HEMK2: variants seen among roughly 807,000 people sequenced by gnomAD.
HEMK2 encodes the protein HemK methyltransferase 2, ETF1 glutamine and histone H4 lysine.
chr21:28,868,914 T>C, the HEMK2 span, among the ~76,000 whole-genome samples: 1 of 152,206 alleles, frequency 6.6e-6, no homozygotes, highest in African/African-American at 2.4e-5. Flanking sequence ...ATTTTCTTGG[T>C]AAATAATATC....
the HEMK2 span, chr21:28,879,772 A>G: frequency 1.1e-6 from 1 of 883,158 alleles, no homozygotes; most frequent in Non-Finnish European, 1.7e-6. Context: ...GTAGTCTGTG[A>G]TAGCAGCAGC....
the HEMK2 span, among the ~76,000 whole-genome samples, chr21:28,632,837 T>C: frequency 1.3e-5 from 2 of 152,194 alleles, no homozygotes; most frequent in Admixed American, 6.5e-5. Flanking sequence ...AATGCCTCCC[T>C]GATGAATCAC....
the HEMK2 span, among the ~76,000 whole-genome samples, chr21:28,825,598 C>T: frequency 1.4e-4 from 21 of 152,174 alleles, no homozygotes; most frequent in African/African-American, 4.8e-4. Context: ...AGAAGTATGA[C>T]CAAGATCTTT....
the HEMK2 span, among the ~76,000 whole-genome samples, chr21:28,686,611 G>T: frequency 0.56 from 84,629 of 152,092 alleles, 26,222 homozygotes; most frequent in East Asian, 0.84. Context: ...CTATTCATTA[G>T]CAAGAAAGCA....
the HEMK2 span, among the ~76,000 whole-genome samples, chr21:28,605,530 T>C: frequency 6.6e-6 from 1 of 152,216 alleles, no homozygotes; most frequent in African/African-American, 2.4e-5. Flanking sequence ...TTTTTTTAAC[T>C]AAGTCAGTTT....
the HEMK2 span, among the ~76,000 whole-genome samples, chr21:28,642,624 T>C: frequency 1.3e-5 from 2 of 152,134 alleles, no homozygotes; most frequent in African/African-American, 4.8e-5. Context: ...ATGAACTGTT[T>C]GAAAGGTGAT....
At chr21:28,733,976 T>G in the HEMK2 span, among the ~76,000 whole-genome samples, 3 of 152,256 alleles carry the variant, frequency 2.0e-5, no homozygotes, top group African/African-American at 7.2e-5. Context: ...ATTTTTTGGT[T>G]CATTTAGGGA....
At chr21:28,764,717 A>G in the HEMK2 span, among the ~76,000 whole-genome samples, 21 of 152,250 alleles carry the variant, frequency 1.4e-4, no homozygotes, top group African/African-American at 5.1e-4. Flanking sequence ...TTAAGGCTGC[A>G]GCTGTCAGGA....
the HEMK2 span, among the ~76,000 whole-genome samples, chr21:28,811,249 G>GGAAA: frequency 5.2e-3 from 693 of 133,004 alleles, 6 homozygotes; most frequent in African/African-American, 0.015. Context: ...CAGAGAAAGA[G>GGAAA]GAAAGAAAGA....
the HEMK2 span, among the ~76,000 whole-genome samples, chr21:28,839,501 C>G: frequency 6.6e-6 from 1 of 152,120 alleles, no homozygotes; most frequent in Admixed American, 6.5e-5. Context: ...GCTCCTAGAA[C>G]TGATAAAAGA....
the HEMK2 span, among the ~76,000 whole-genome samples, chr21:28,677,664 C>T: frequency 6.6e-6 from 1 of 152,200 alleles, no homozygotes; most frequent in East Asian, 1.9e-4. Flanking sequence ...GGCAGACTGA[C>T]ACCTCACACG....
At chr21:28,685,767 T>A in the HEMK2 span, among the ~76,000 whole-genome samples, 1 of 152,074 alleles carries the variant, frequency 6.6e-6, no homozygotes, top group South Asian at 2.1e-4. Context: ...AAAGGGAGAA[T>A]GAGAGAGTAG....
At chr21:28,835,512 T>G in the HEMK2 span, among the ~76,000 whole-genome samples, 4 of 152,112 alleles carry the variant, frequency 2.6e-5, no homozygotes, top group Non-Finnish European at 4.4e-5. Context: ...AGACCTTCCC[T>G]TTGACAGAGC....
At chr21:28,839,498 G>C in the HEMK2 span, among the ~76,000 whole-genome samples, 1 of 152,086 alleles carries the variant, frequency 6.6e-6, no homozygotes, top group South Asian at 2.1e-4. Context: ...AAAGCTCCTA[G>C]AACTGATAAA....
the HEMK2 span, among the ~76,000 whole-genome samples, chr21:28,671,637 C>T: frequency 0.2 from 30,294 of 152,046 alleles, 3,240 homozygotes; most frequent in East Asian, 0.38. Context: ...GTGTTTATAA[C>T]GTGTTTAGAA....
the HEMK2 span, among the ~76,000 whole-genome samples, chr21:28,818,058 G>A: frequency 1.3e-5 from 2 of 152,128 alleles, no homozygotes; most frequent in South Asian, 4.1e-4. Flanking sequence ...TGTCTGTGAG[G>A]GTGTTGCCAA....
chr21:28,619,788 G>T, the HEMK2 span, among the ~76,000 whole-genome samples: 1 of 152,116 alleles, frequency 6.6e-6, no homozygotes, highest in Admixed American at 6.5e-5. Context: ...TTCAATTTGG[G>T]TTTGGGTTGC....
chr21:28,746,794 T>C, the HEMK2 span, among the ~76,000 whole-genome samples: 1 of 151,676 alleles, frequency 6.6e-6, no homozygotes, highest in African/African-American at 2.4e-5. Context: ...AATAAGGCCA[T>C]TGGCAGGGGT....
the HEMK2 span, among the ~76,000 whole-genome samples, chr21:28,751,679 G>A: frequency 6.6e-6 from 1 of 152,056 alleles, no homozygotes; most frequent in Admixed American, 6.6e-5. Context: ...AAAGTTTTTT[G>A]TTTGTTTGTT....
Sources: gnomAD v4.1 joint callset for allele counts (sites outside exome capture counted in the v4.1 genomes callset) on GRCh38, gnomAD v4.1.1 for gene constraint, MANE v1.5 for transcripts, NCBI Gene and HGNC (gene_info 2026-07-23, HGNC 2026-07-21) for gene names.